The following HS3ST4 variants were observed in gnomAD, a reference collection of about 807,000 sequenced individuals.
HS3ST4 encodes the protein heparan sulfate glucosamine 3-O-sulfotransferase 4.
In HS3ST4, 17 loss-of-function variants were observed where a neutral mutation model predicts 29.2. The ratio of observed to expected loss-of-function variants is 0.58; its 90% CI spans 0.40 to 0.87. The LOEUF (loss-of-function observed/expected upper bound fraction) is 0.87. Among genes scored for constraint, HS3ST4 ranks in the 40% least tolerant of loss-of-function variants. The pLI, the probability that HS3ST4 is intolerant of heterozygous loss-of-function variation, is 0.00. For missense variants in HS3ST4, 627 were observed against 634.5 expected, an observed-to-expected ratio of 0.99 and a Z score of 0.13; for synonymous variants, 314 against 285.7, an observed-to-expected ratio of 1.10 and a Z score of -1.00.
chr16:25,894,243 C>T (rs1231467957), intron 1 of HS3ST4, among the ~76,000 whole-genome samples: 1 of 152,092 alleles, frequency 6.6e-6, no homozygotes, highest in African/African-American at 2.4e-5. Context: ...AGGGTGTTTC[C>T]TAGTTTACAG....
chr16:25,758,839 C>A (rs963469869), intron 1 of HS3ST4, among the ~76,000 whole-genome samples: 1 of 151,942 alleles, frequency 6.6e-6, no homozygotes, highest in African/African-American at 2.4e-5. Flanking sequence ...GCCTGTAATC[C>A]CAGCTACTCG....
chr16:25,770,285 AGTAATCATGGCCTT>A (rs532264010), intron 1 of HS3ST4, among the ~76,000 whole-genome samples: 458 of 152,248 alleles, frequency 3.0e-3, no homozygotes, highest in Admixed American at 4.9e-3. Flanking sequence ...CTTTCCTTCA[AGTAATCATGGCCTT>A]GGAGATGATA....
At chr16:25,880,351 G>T (rs1206882995) in intron 1 of HS3ST4, among the ~76,000 whole-genome samples, 1 of 152,164 alleles carries the variant, frequency 6.6e-6, no homozygotes, top group African/African-American at 2.4e-5. Context: ...TTAACACTCA[G>T]TGAATATTTG....
chr16:25,784,334 A>G (rs1966855338), intron 1 of HS3ST4, among the ~76,000 whole-genome samples: 1 of 152,348 alleles, frequency 6.6e-6, no homozygotes, highest in South Asian at 2.1e-4. Context: ...CTCTCACTTT[A>G]AATCAGAAGC....
chr16:26,023,689 G>C (rs962408750), intron 1 of HS3ST4, among the ~76,000 whole-genome samples: 1 of 151,890 alleles, frequency 6.6e-6, no homozygotes, highest in African/African-American at 2.4e-5. Context: ...TTATAGACAT[G>C]AGCCATCCCA....
intron 1 of HS3ST4, among the ~76,000 whole-genome samples, chr16:26,010,527 T>TA (rs1814042101): frequency 6.6e-6 from 1 of 151,872 alleles, no homozygotes; most frequent in African/African-American, 2.4e-5. Context: ...TTTGTTAAGA[T>TA]AGAGATTTTA....
At chr16:26,103,756 G>A (rs770091775) in intron 1 of HS3ST4, among the ~76,000 whole-genome samples, 1 of 152,148 alleles carries the variant, frequency 6.6e-6, no homozygotes, top group Non-Finnish European at 1.5e-5. Context: ...ATACCCTTGA[G>A]TGTTTCACAT....
chr16:26,114,704 T>C (rs1180058665), intron 1 of HS3ST4, among the ~76,000 whole-genome samples: 2 of 152,044 alleles, frequency 1.3e-5, no homozygotes, highest in Non-Finnish European at 2.9e-5. Flanking sequence ...ACTACACTGG[T>C]AGAAATGAAG....
intron 1 of HS3ST4, among the ~76,000 whole-genome samples, chr16:26,126,614 C>A (rs963244159): frequency 3.3e-5 from 5 of 152,186 alleles, no homozygotes; most frequent in Admixed American, 1.3e-4. Context: ...CAAGTCTAGG[C>A]AGTTTGGTTA....
At chr16:25,985,096 A>C (rs1969048776) in intron 1 of HS3ST4, among the ~76,000 whole-genome samples, 2 of 152,162 alleles carry the variant, frequency 1.3e-5, no homozygotes, top group Non-Finnish European at 2.9e-5. Flanking sequence ...CCAATTACTA[A>C]TTTTACAACA....
intron 1 of HS3ST4, among the ~76,000 whole-genome samples, chr16:25,803,732 C>T (rs1404000334): frequency 3.3e-5 from 5 of 152,084 alleles, no homozygotes; most frequent in Admixed American, 2.6e-4. Flanking sequence ...TGTTTTTCAT[C>T]AAAAGGACAT....
chr16:25,930,698 C>T (rs1364448748), intron 1 of HS3ST4, among the ~76,000 whole-genome samples: 2 of 152,124 alleles, frequency 1.3e-5, no homozygotes, highest in African/African-American at 2.4e-5. Context: ...TTGTTTCATC[C>T]TCAGCCTGGT....
At chr16:26,034,127 G>A (rs886935936) in intron 1 of HS3ST4, among the ~76,000 whole-genome samples, 24 of 152,114 alleles carry the variant, frequency 1.6e-4, no homozygotes, top group African/African-American at 5.8e-4. Flanking sequence ...GATCTTCCTG[G>A]AGTCTCTGCT....
intron 1 of HS3ST4, among the ~76,000 whole-genome samples, chr16:25,949,599 C>T (rs1421193095): frequency 6.6e-6 from 1 of 152,080 alleles, no homozygotes; most frequent in Non-Finnish European, 1.5e-5. Context: ...GAATTAGGCT[C>T]TATTATGGCT....
intron 1 of HS3ST4, among the ~76,000 whole-genome samples, chr16:25,976,847 A>G (rs1362517882): frequency 6.6e-6 from 1 of 152,220 alleles, no homozygotes; most frequent in Admixed American, 6.5e-5. Context: ...GTGCAAGAGG[A>G]GTGGTAGACG....
At position 26,055,115 on chromosome 16, in the gene HS3ST4, T is replaced by C. The variant is rs200225186; in HGVS notation, c.735-80497T>C. 7.9e-5 allele frequency among the ~76,000 whole-genome samples: 12 copies of C among 151,976 alleles called. No individual in the cohort carries two copies. In the East Asian group the frequency reaches 2.1e-3, roughly 27 times the overall value. On this transcript the variant is annotated intron_variant, in intron 1 of 1. Transcript: ENST00000331351. ...ATTTGATGAGTTGTTTTTTTTTTTC[T>C]ATCCTCCAAGATTGCTCTTTAATGT... is the stretch of plus-strand genomic sequence containing the variant.
At chr16:26,079,485 C>T (rs914569952) in intron 1 of HS3ST4, among the ~76,000 whole-genome samples, 1 of 152,226 alleles carries the variant, frequency 6.6e-6, no homozygotes, top group Admixed American at 6.5e-5. Context: ...ATAATAACAA[C>T]AGCAAACATT....
intron 1 of HS3ST4, among the ~76,000 whole-genome samples, chr16:25,967,679 A>G (rs1968856441): frequency 6.6e-6 from 1 of 152,188 alleles, no homozygotes; most frequent in Non-Finnish European, 1.5e-5. Flanking sequence ...CCTTAATTTC[A>G]ATGAGTTGAT....
chr16:26,037,909 T>A (rs113909212), intron 1 of HS3ST4, among the ~76,000 whole-genome samples: 10,915 of 152,104 alleles, frequency 0.072, 626 homozygotes, highest in African/African-American at 0.16. Context: ...GCCTCTAGGG[T>A]CTTTTCTCAG....
Sources: allele counts gnomAD v4.1 joint callset (sites outside exome capture counted in the v4.1 genomes callset), GRCh38; gene constraint gnomAD v4.1.1; transcripts MANE v1.5; gene names NCBI Gene and HGNC (gene_info 2026-07-23, HGNC 2026-07-21).